CUX1: variants seen among roughly 807,000 people sequenced by gnomAD.
CUX1 encodes the protein cut like homeobox 1, also known as protein CASP.
Under a neutral mutation model 158.8 loss-of-function variants are expected in CUX1, and 31 were observed. That is an observed-to-expected ratio of 0.20 (90% CI 0.15 to 0.26). The LOEUF is 0.26. Ranked by LOEUF, CUX1 falls within the 10% of genes least tolerant of loss-of-function variation. CUX1 has a pLI of 1.00. For synonymous variants in CUX1, 879 were observed against 862.1 expected (o/e 1.02, Z -0.34); for missense variants, 1,589 against 2,014.6 (o/e 0.79, Z 4.04).
intron 20 of CUX1, among the ~76,000 whole-genome samples, chr7:102,219,209 T>TGA (rs1350264207): frequency 3.3e-5 from 5 of 151,072 alleles, no homozygotes; most frequent in South Asian, 2.1e-4. Context: ...TGTGTGTGTG[T>TGA]GAGAGAGAGA....
intron 8 of CUX1, among the ~76,000 whole-genome samples, chr7:102,132,488 C>T (rs1585834276): frequency 1.3e-5 from 2 of 151,738 alleles, no homozygotes; most frequent in African/African-American, 4.8e-5. Context: ...CTATAGTCAG[C>T]CCCCTTCTGC....
At chr7:102,128,102 G>A (rs1832841692) in intron 8 of CUX1, among the ~76,000 whole-genome samples, 4 of 152,110 alleles carry the variant, frequency 2.6e-5, no homozygotes, top group Admixed American at 2.6e-4. Context: ...CCTCCAGAAG[G>A]GCTGGGATTA....
intron 9 of CUX1, chr7:102,161,391 G>C (rs572368920): frequency 6.6e-6 from 1 of 152,092 alleles, no homozygotes; most frequent in Admixed American, 6.6e-5. Context: ...TGTTAGTTCC[G>C]TAGCTGCTGA....
intron 1 of CUX1, among the ~76,000 whole-genome samples, chr7:101,823,745 C>T (rs960794454): frequency 6.6e-6 from 1 of 152,142 alleles, no homozygotes; most frequent in Non-Finnish European, 1.5e-5. Flanking sequence ...ATGAGGTGTT[C>T]CGAGTTTGGT....
At chr7:101,833,562 T>TAA (rs534986714) in intron 1 of CUX1, among the ~76,000 whole-genome samples, 12,072 of 75,504 alleles carry the variant, frequency 0.16, 1,173 homozygotes, top group Non-Finnish European at 0.18. Flanking sequence ...CTCTGTCTCT[T>TAA]AAAAAAAAAA....
At chr7:102,003,495 G>A (rs571675921) in intron 2 of CUX1, among the ~76,000 whole-genome samples, 3 of 152,316 alleles carry the variant, frequency 2.0e-5, no homozygotes, top group African/African-American at 7.2e-5. Flanking sequence ...TTTATTGCAA[G>A]GCTGCTTGGA....
chr7:101,991,082 A>G (rs1189117360), intron 2 of CUX1, among the ~76,000 whole-genome samples: 1 of 152,188 alleles, frequency 6.6e-6, no homozygotes, highest in Non-Finnish European at 1.5e-5. Context: ...GCTGCTACTG[A>G]GGCAGCATCT....
At chr7:102,149,037 T>C (rs151254606) in intron 8 of CUX1, among the ~76,000 whole-genome samples, 2 of 152,220 alleles carry the variant, frequency 1.3e-5, no homozygotes, top group African/African-American at 4.8e-5. Context: ...TATTCTGTCG[T>C]GAGATAAGAA....
intron 3 of CUX1, among the ~76,000 whole-genome samples, chr7:102,030,689 G>GTGTTTTTGTTTTTTTTTTTTTGTTTTT (rs1820647431): frequency 1.2e-5 from 1 of 82,540 alleles, no homozygotes; most frequent in Non-Finnish European, 2.1e-5. Context: ...ATTTTAAAAA[G>GTGTTTTTGTTTTTTTTTTTTTGTTTTT]TGTTTTTTTT....
rs147022432 is a variant in CUX1 at position 102,190,636 on chromosome 7, G to A, written c.1076+765G>A. ...TCCTAGGTTATTAAGCACTGCAAAC[G>A]AAGGTTGCCTAGGGCATGGTGACCA... On this transcript the variant is annotated intron_variant, in intron 12 of 23. Transcript: ENST00000292535. Among the ~76,000 whole-genome samples the A allele has an allele frequency of 2.9e-3, 447 of 152,290 alleles. 1 individual carries two copies. Among genetic ancestry groups the A allele is most frequent in the Middle Eastern group, 0.014 (4 of 294 alleles).
At chr7:102,147,149 TG>T (rs1554502323) in intron 8 of CUX1, among the ~76,000 whole-genome samples, 2 of 152,130 alleles carry the variant, frequency 1.3e-5, no homozygotes, top group Non-Finnish European at 2.9e-5. Flanking sequence ...GGGGCCACCG[TG>T]GAGTGTGACA....
chr7:102,248,331 G>A lies in CUX1; in HGVS notation c.3888-81G>A. On this transcript the variant is annotated intron_variant, in intron 23 of 23. Transcript: ENST00000292535. The surrounding 1 kb of genome is among the most constrained non-coding windows in gnomAD (Gnocchi z 5.8). ...CTGGACGGAGCAGGAGCCCCAGAGA[G>A]AGGGGTCTGGCTGGGGTAGCACCAG... The A allele has an allele frequency of 7.5e-7, 1 of 1,325,704 alleles. No individual in the cohort carries two copies. Among genetic ancestry groups the A allele is most frequent in the Non-Finnish European group, 1.0e-6 (1 of 982,738 alleles). 82.1% of individuals were successfully genotyped at this position (1,325,704 alleles called of 1,614,324 possible).
chr7:102,068,543 G>A (rs1585514171), intron 3 of CUX1, among the ~76,000 whole-genome samples: 1 of 152,252 alleles, frequency 6.6e-6, no homozygotes, highest in African/African-American at 2.4e-5. Flanking sequence ...ATTGCGCTAG[G>A]CTGCTATGTG....
intron 8 of CUX1, among the ~76,000 whole-genome samples, chr7:102,149,651 G>C (rs146604767): frequency 1.6e-4 from 25 of 152,338 alleles, no homozygotes; most frequent in Admixed American, 7.8e-4. Context: ...AGGTGCCTTT[G>C]CTGGGAGTAA....
chr7:102,239,621 CA>C (rs782749436), intron 23 of CUX1, 37 bp downstream of exon 23: 17 of 1,592,754 alleles, frequency 1.1e-5, no homozygotes, highest in Non-Finnish European at 1.4e-5. Flanking sequence ...CCGGTCGGCC[CA>C]GGGGAAGGGG....
In CUX1 at chr7:102,255,010, A is replaced by C; in HGVS notation, c.*5968A>C. 1.0e-6 allele frequency: 1 copy of C among 985,522 alleles called. No homozygotes were observed. The highest frequency in any genetic ancestry group is 1.2e-6 in the Non-Finnish European group (1 of 830,028). 61.0% of individuals were successfully genotyped at this position (985,522 alleles called of 1,614,324 possible). A position where few individuals can be genotyped will look rare whatever the true frequency, so the allele number is the denominator to read the frequency against. ...GTTAAGTCCACCAACCCTTGGGCTTAATCAGGACGGAAGAGGAGGGGGTGT... is the reference window on the plus strand; with the variant it reads ...GTTAAGTCCACCAACCCTTGGGCTTCATCAGGACGGAAGAGGAGGGGGTGT... On this transcript the variant is annotated 3_prime_UTR_variant, in exon 24 of 24. Transcript: ENST00000292535.
chr7:102,062,268 C>T (rs546325069), intron 3 of CUX1, among the ~76,000 whole-genome samples: 19 of 152,242 alleles, frequency 1.2e-4, no homozygotes, highest in African/African-American at 4.3e-4. Context: ...CGATGTGTGA[C>T]GCCTCCTCCA....
At chr7:101,873,852 T>C (rs534303468) in intron 1 of CUX1, among the ~76,000 whole-genome samples, 168 of 152,358 alleles carry the variant, frequency 1.1e-3, no homozygotes, top group African/African-American at 4.0e-3. Context: ...CCCAAAGTGC[T>C]GGGAATACAG....
chr7:102,013,659 T>C (rs573230548), intron 2 of CUX1, among the ~76,000 whole-genome samples: 1 of 152,224 alleles, frequency 6.6e-6, no homozygotes, highest in African/African-American at 2.4e-5. Context: ...AAATAGAGGG[T>C]TCTCTGCTTT....
Sources: allele counts gnomAD v4.1 joint callset (sites outside exome capture counted in the v4.1 genomes callset), GRCh38; gene constraint gnomAD v4.1.1; non-coding constraint Gnocchi (gnomAD v3.1); transcripts MANE v1.5; gene names NCBI Gene and HGNC (gene_info 2026-07-23, HGNC 2026-07-21).